SCARA5: variants seen among roughly 807,000 people sequenced by gnomAD.
SCARA5 encodes scavenger receptor class A, member 5 (putative).
Under a neutral mutation model 46.3 loss-of-function variants are expected in SCARA5, and 45 were observed. That is an observed-to-expected ratio of 0.97 (90% confidence interval 0.76 to 1.24). The LOEUF (loss-of-function observed/expected upper bound fraction) is 1.24, where lower values mean the gene tolerates loss of function less well. SCARA5 is among the 50% of genes most tolerant of loss of function. SCARA5 has a pLI of 0.00. For synonymous variants in SCARA5, 333 were observed against 306.5 expected (o/e 1.09, Z -0.90); for missense variants, 680 against 689.0 (o/e 0.99, Z 0.15).
At chr8:27,916,183 T>C (rs1807457432) in intron 4 of SCARA5, among the ~76,000 whole-genome samples, 1 of 152,146 alleles carries the variant, frequency 6.6e-6, no homozygotes, top group Non-Finnish European at 1.5e-5. Context: ...TAAAAACCAT[T>C]TGGGTCAAGC....
chr8:27,982,949 G>A (rs777477171), intron 2 of SCARA5, among the ~76,000 whole-genome samples: 1 of 152,208 alleles, frequency 6.6e-6, no homozygotes, highest in African/African-American at 2.4e-5. Context: ...GGAGTGGAAC[G>A]GTGCCTGCAG....
intron 6 of SCARA5, among the ~76,000 whole-genome samples, chr8:27,905,799 T>C (rs1035229487): frequency 4.9e-5 from 7 of 142,332 alleles, no homozygotes; most frequent in Non-Finnish European, 9.1e-5. Flanking sequence ...CAACTTCCAC[T>C]CCCCGGGTTC....
chr8:27,970,880 CTTTT>C lies in SCARA5; in HGVS notation c.113-4342_113-4339del, dbSNP rs567842294. ...TCTGAAAAAATTAACAAAATTTTGG[CTTTT>C]TTTTAAAAAAAAACCCACTACTTCC... On this transcript the variant is annotated intron_variant, in intron 2 of 8. Coordinates refer to ENST00000354914, the MANE Select transcript of SCARA5 (RefSeq NM_173833.6). Among the ~76,000 whole-genome samples, 1,277 of 151,874 alleles carry C rather than the reference CTTTT, an allele frequency of 8.4e-3. 18 individuals are homozygous for C. Among genetic ancestry groups the C allele is most frequent in the African/African-American group, 0.029 (1,187 of 41,424 alleles).
chr8:27,951,411 G>A (rs1468868892), intron 3 of SCARA5, among the ~76,000 whole-genome samples: 1 of 152,200 alleles, frequency 6.6e-6, no homozygotes, highest in African/African-American at 2.4e-5. Context: ...GCCCCCAACA[G>A]AACCTTTAAA....
At chr8:27,877,258 C>A (rs551077025) in intron 8 of SCARA5, among the ~76,000 whole-genome samples, 1 of 152,272 alleles carries the variant, frequency 6.6e-6, no homozygotes, top group East Asian at 1.9e-4. Context: ...CAGCCAAGGT[C>A]TTGAATAGCA....
chr8:27,982,272 C>A (rs1585527239), intron 2 of SCARA5, among the ~76,000 whole-genome samples: 1 of 152,240 alleles, frequency 6.6e-6, no homozygotes, highest in African/African-American at 2.4e-5. Flanking sequence ...CCAGGCCCAG[C>A]CAGTCCCCAC....
intron 4 of SCARA5, among the ~76,000 whole-genome samples, chr8:27,913,874 C>G (rs1236216681): frequency 1.3e-5 from 2 of 152,228 alleles, no homozygotes; most frequent in Non-Finnish European, 2.9e-5. Flanking sequence ...TCCTCCACCT[C>G]TGCACAAACG....
rs1414508059 is a variant in SCARA5 at position 27,904,793 on chromosome 8, T to C, written c.1138A>G (p.Arg380Gly). The stretch of plus-strand genomic sequence containing the variant: ...ATGTCCTTACTGGCATCCCCAGCTC[T>C]GTCTCCTTTCTCTCCTTTCTCTCCT... Reference protein sequence around the residue: ...PKGEKGEKGDRAGDASGVEAP... With the variant: ...PKGEKGEKGDGAGDASGVEAP... The change falls in exon 7 of 9, where the codon AGA (arginine) becomes GGA (glycine). Residue 380 changes from arginine (R) to glycine (G), a missense_variant. Around this residue, in one of 3 missense-constraint regions of SCARA5, gnomAD observed 219 missense variants for 269.5 expected, o/e 0.81. Coordinates refer to ENST00000354914, the MANE Select transcript of SCARA5 (RefSeq NM_173833.6). 6.2e-7 allele frequency: 1 copy of C among 1,614,008 alleles called. No individual in the cohort carries two copies. Among genetic ancestry groups the C allele is most frequent in the Admixed American group, 1.7e-5 (1 of 60,010 alleles).
At chr8:27,952,809 A>G (rs963406321) in intron 3 of SCARA5, among the ~76,000 whole-genome samples, 5 of 151,496 alleles carry the variant, frequency 3.3e-5, no homozygotes, top group Admixed American at 3.3e-4. Context: ...TTTTTTTCCC[A>G]CTCTCTCTTC....
At chr8:27,952,503 A>T (rs1808144089) in intron 3 of SCARA5, among the ~76,000 whole-genome samples, 1 of 152,112 alleles carries the variant, frequency 6.6e-6, no homozygotes, top group South Asian at 2.1e-4. Context: ...CCCAGGGGAC[A>T]CAGGCTGCAG....
intron 3 of SCARA5, among the ~76,000 whole-genome samples, chr8:27,925,069 A>T (rs1232652568): frequency 1.3e-5 from 2 of 152,248 alleles, no homozygotes; most frequent in Non-Finnish European, 2.9e-5. Context: ...TGCCCAAGGT[A>T]ATTTATAGAT....
At chr8:27,876,903 TG>T (rs1806733521) in intron 8 of SCARA5, among the ~76,000 whole-genome samples, 1 of 152,056 alleles carries the variant, frequency 6.6e-6, no homozygotes, top group Admixed American at 6.5e-5. Flanking sequence ...GGAGTGGGGT[TG>T]GGGCACCAGT....
At position 27,878,702 on chromosome 8, in the gene SCARA5, C is replaced by T. The variant is rs1263732218; in HGVS notation, c.1351+867G>A. Among the ~76,000 whole-genome samples, 11 of 152,202 alleles carry T rather than the reference C, an allele frequency of 7.2e-5. 1 individual carries two copies. In the South Asian group the frequency reaches 2.3e-3, roughly 31 times the overall value. On this transcript the variant is annotated intron_variant, in intron 8 of 8. Transcript: ENST00000354914. ...GGTTCAAATACAGACTCCTAAGACA[C>T]CTGCTTGGGCCTAAACATCGGGTCT...
chr8:27,949,591 A>G (rs780808857), intron 3 of SCARA5, among the ~76,000 whole-genome samples: 4 of 152,216 alleles, frequency 2.6e-5, no homozygotes, highest in South Asian at 4.1e-4. Flanking sequence ...CTGTTGCCGC[A>G]TAACTCAGCC....
intron 3 of SCARA5, among the ~76,000 whole-genome samples, chr8:27,922,718 G>A (rs1355499349): frequency 6.6e-6 from 1 of 152,164 alleles, no homozygotes; most frequent in Non-Finnish European, 1.5e-5. Flanking sequence ...TTTAGAGGGT[G>A]GGTACCTGCT....
chr8:27,935,615 G>A lies in SCARA5; in HGVS notation c.242-13370C>T, dbSNP rs538980150. On this transcript the variant is annotated intron_variant, in intron 3 of 8. Coordinates refer to ENST00000354914, the MANE Select transcript of SCARA5 (RefSeq NM_173833.6). The stretch of plus-strand genomic sequence containing the variant: ...GCCAGAGGCACAAAGGAATGGGAAG[G>A]CTGAGACCCAGGGAGCGGGAGAGGG... Among the ~76,000 whole-genome samples the A allele has an allele frequency of 5.3e-5, 8 of 152,304 alleles. No homozygotes were observed. The South Asian group carries it at 1.7e-3, about 32-fold the overall frequency.
At chr8:27,974,370 C>G (rs2685393) in intron 2 of SCARA5, among the ~76,000 whole-genome samples, 1 of 151,846 alleles carries the variant, frequency 6.6e-6, no homozygotes, top group Admixed American at 6.6e-5. Context: ...AAATTTATTT[C>G]CCCCCTCCCA....
intron 8 of SCARA5, among the ~76,000 whole-genome samples, chr8:27,873,398 C>T (rs1806671407): frequency 6.6e-6 from 1 of 152,150 alleles, no homozygotes; most frequent in Non-Finnish European, 1.5e-5. Context: ...TCCCCTGTGA[C>T]CTGCAAACAT....
At chr8:27,900,483 T>G (rs1198916163) in intron 7 of SCARA5, among the ~76,000 whole-genome samples, 1 of 152,200 alleles carries the variant, frequency 6.6e-6, no homozygotes, top group African/African-American at 2.4e-5. Flanking sequence ...ACTGAAAACA[T>G]GTACGAAGTG....
Sources: allele counts gnomAD v4.1 joint callset (sites outside exome capture counted in the v4.1 genomes callset), GRCh38; gene constraint gnomAD v4.1.1; regional missense constraint gnomAD v4.1.1; transcripts MANE v1.5; gene names NCBI Gene and HGNC (gene_info 2026-07-23, HGNC 2026-07-21).